Variants in DEK observed in about 807,000 individuals in gnomAD.
DEK encodes protein DEK.
In DEK, 28 loss-of-function variants were observed where a neutral mutation model predicts 46.8. The observed-to-expected ratio is 0.60, with a 90% CI of 0.44 to 0.82. DEK has a LOEUF of 0.82. Ranked by LOEUF, DEK falls within the 40% of genes least tolerant of loss-of-function variation. The pLI is 0.00. For missense variants in DEK, 416 were observed against 430.6 expected (o/e 0.97, Z 0.30); for synonymous variants, 160 against 144.5 (o/e 1.11, Z -0.77).
intron 5 of DEK, among the ~76,000 whole-genome samples, chr6:18,256,090 C>T (rs774823354): frequency 2.6e-5 from 4 of 151,960 alleles, no homozygotes; most frequent in Non-Finnish European, 5.9e-5. Context: ...CAGGTTCAAG[C>T]GATTCTCCTG....
rs186974542 is a variant in DEK, at chr6:18,241,183, G to A, written c.763-3667C>T. 9.1e-4 allele frequency among the ~76,000 whole-genome samples: 139 copies of A among 152,240 alleles called. No homozygotes were observed. The Middle Eastern group carries it at 0.01, about 11-fold the overall frequency. ...GCCCTGAAGGTTATTAGGTATAGGA[G>A]GAATAGGTCTCTGGAAAATGGGGGC... is the stretch of plus-strand genomic sequence containing the variant. On this transcript the variant is annotated intron_variant, in intron 7 of 10. Transcript: ENST00000652689.
chr6:18,257,866 T>C (rs943975746), intron 4 of DEK, 87 bp downstream of exon 4: 13 of 924,268 alleles, frequency 1.4e-5, no homozygotes, highest in South Asian at 9.1e-5. Flanking sequence ...AGTGTGGAAA[T>C]TGAACTAGTG....
chr6:18,223,899 CTCA>C lies in DEK; in HGVS notation c.*1817_*1819del, dbSNP rs925911757. The C allele has an allele frequency of 6.6e-5, 10 of 152,182 alleles. No homozygotes were observed. Among genetic ancestry groups the C allele is most frequent in the African/African-American group, 2.2e-4 (9 of 41,446 alleles). 9.4% of individuals were successfully genotyped at this position (152,182 alleles called of 1,614,324 possible). ...TACATCCATTTAATAAGTGTGCGTA[CTCA>C]TCAAGAACTTTCATACAGAACAACT... On this transcript the variant is annotated 3_prime_UTR_variant, in exon 11 of 11. Transcript: ENST00000652689.
chr6:18,258,555 A>G (rs1248337537), intron 2 of DEK, 150 bp from the exon 3 acceptor site: 3 of 553,692 alleles, frequency 5.4e-6, no homozygotes, highest in East Asian at 6.4e-5. Flanking sequence ...ATAAAAGAGG[A>G]AAACACTTGA....
intron 9 of DEK, among the ~76,000 whole-genome samples, chr6:18,227,149 C>T (rs954335242): frequency 2.0e-5 from 3 of 152,120 alleles, no homozygotes; most frequent in East Asian, 3.9e-4. Context: ...TCCCCCAGCC[C>T]GACACCCTTA....
chr6:18,227,709 C>A (rs1054489069), intron 9 of DEK, among the ~76,000 whole-genome samples: 4 of 152,120 alleles, frequency 2.6e-5, no homozygotes, highest in Non-Finnish European at 5.9e-5. Context: ...AGAGCAAGAC[C>A]CTGTCTCAAA....
Position 18,224,644 on chromosome 6 carries a change from G to A in DEK, c.*1075C>T, listed in dbSNP as rs1790029613. 4.8e-6 allele frequency: 1 copy of A among 208,604 alleles called. No individual in the cohort carries two copies. Among genetic ancestry groups the A allele is most frequent in the Admixed American group, 5.9e-5 (1 of 16,950 alleles). 12.9% of individuals were successfully genotyped at this position (208,604 alleles called of 1,614,324 possible). On this transcript the variant is annotated 3_prime_UTR_variant, in exon 11 of 11. Coordinates refer to ENST00000652689, the MANE Select transcript of DEK (RefSeq NM_003472.4). Reference sequence around the variant, plus strand: ...GTATATTATTTTTGAGACACACTTTGTCAGAGACATCCACGATTGCCTGCA... The same window carrying A: ...GTATATTATTTTTGAGACACACTTTATCAGAGACATCCACGATTGCCTGCA...
chr6:18,246,461 G>C (rs1791119003), intron 7 of DEK, among the ~76,000 whole-genome samples: 1 of 152,184 alleles, frequency 6.6e-6, no homozygotes, highest in South Asian at 2.1e-4. Context: ...AACAGAGGTA[G>C]AGGTACAGGT....
At chr6:18,253,153 G>A (rs761469329) in intron 6 of DEK, among the ~76,000 whole-genome samples, 1 of 151,074 alleles carries the variant, frequency 6.6e-6, no homozygotes, top group East Asian at 1.9e-4. Context: ...AGGCTGGAGT[G>A]CAGCAGCACG....
intron 2 of DEK, among the ~76,000 whole-genome samples, chr6:18,260,508 AATACC>A (rs1481207048): frequency 2.0e-5 from 3 of 152,210 alleles, no homozygotes; most frequent in African/African-American, 7.2e-5. Flanking sequence ...AAAAAACATT[AATACC>A]ATCCACCCAC....
intron 6 of DEK, among the ~76,000 whole-genome samples, chr6:18,252,558 T>TATCAGATTA (rs1168471436): frequency 7.3e-6 from 1 of 137,394 alleles, no homozygotes; most frequent in Non-Finnish European, 1.5e-5. Context: ...AGCTCGATAC[T>TATCAGATTA]ATCAGATTAA....
intron 9 of DEK, among the ~76,000 whole-genome samples, chr6:18,235,295 A>G (rs780110328): frequency 6.6e-6 from 1 of 152,182 alleles, no homozygotes; most frequent in Non-Finnish European, 1.5e-5. Flanking sequence ...CAAAACTCTA[A>G]TATTTTCTCC....
chr6:18,232,246 C>G (rs1372922711), intron 9 of DEK, among the ~76,000 whole-genome samples: 1 of 152,080 alleles, frequency 6.6e-6, no homozygotes, highest in African/African-American at 2.4e-5. Context: ...ATGACAAACC[C>G]ACAGTCATCA....
chr6:18,250,257 C>A (rs1791307482), intron 6 of DEK, among the ~76,000 whole-genome samples: 1 of 152,206 alleles, frequency 6.6e-6, no homozygotes, highest in African/African-American at 2.4e-5. Context: ...ATCATGAGGT[C>A]AGGAGATCGA....
intron 7 of DEK, among the ~76,000 whole-genome samples, chr6:18,249,013 C>G (rs1003963145): frequency 1.7e-4 from 15 of 88,018 alleles, no homozygotes; most frequent in African/African-American, 6.3e-4. Context: ...CCTGTACCCA[C>G]TCTCCATGAT....
intron 1 of DEK, 150 bp from the exon 2 acceptor site, chr6:18,264,146 A>C (rs760931160): frequency 2.3e-5 from 14 of 619,588 alleles, no homozygotes; most frequent in Non-Finnish European, 3.2e-5. Context: ...CTCAGTCCCC[A>C]GGGGCGGCTT....
chr6:18,245,721 CATGACCAAATGTGGTTT>C (rs1376810550), intron 7 of DEK, among the ~76,000 whole-genome samples: 3 of 152,214 alleles, frequency 2.0e-5, no homozygotes, highest in Non-Finnish European at 4.4e-5. Flanking sequence ...CTGTGAATAG[CATGACCAAATGTGGTTT>C]ATGACCAAAT....
chr6:18,237,514 T>C lies in DEK; in HGVS notation c.765A>G (p.Pro255=), dbSNP rs369068935. The C allele has an allele frequency of 5.0e-6, 8 of 1,597,904 alleles. No homozygotes were observed. In the South Asian group the frequency reaches 9.0e-5, roughly 18 times the overall value. The change falls in exon 8 of 11, where the codon CCA becomes CCG. Residue 255 remains proline (P), a splice_region_variant and synonymous_variant. Coordinates refer to ENST00000652689, the MANE Select transcript of DEK (RefSeq NM_003472.4). Reference sequence around the variant, plus strand: ...TTTCTCTTTTGGCTGTCTTTTTTGGTGGCTGTTACAAAAGAAAGTAAAAGT... The same window carrying C: ...TTTCTCTTTTGGCTGTCTTTTTTGGCGGCTGTTACAAAAGAAAGTAAAAGT... The part of the protein sequence containing the change: ...DDEDKESEEE[P]PKKTAKREKP...
chr6:18,232,299 G>A (rs1790446607), intron 9 of DEK, among the ~76,000 whole-genome samples: 1 of 152,132 alleles, frequency 6.6e-6, no homozygotes, highest in African/African-American at 2.4e-5. Flanking sequence ...TTGAAAACTG[G>A]CACAAGACAG....
Sources: allele counts gnomAD v4.1 joint callset (sites outside exome capture counted in the v4.1 genomes callset), GRCh38; gene constraint gnomAD v4.1.1; transcripts MANE v1.5; gene names NCBI Gene and HGNC (gene_info 2026-07-23, HGNC 2026-07-21).